LAMP3: variants seen among roughly 807,000 people sequenced by gnomAD.
LAMP3 encodes lysosome associated membrane protein 3, also known as lysosome-associated membrane glycoprotein 3.
Under a neutral mutation model 34.8 loss-of-function variants are expected in LAMP3, and 26 were observed. The observed-to-expected ratio is 0.75, with a 90% CI of 0.55 to 1.04. LAMP3 has a LOEUF of 1.04. LAMP3 is among the 50% of genes least tolerant of loss of function. The pLI is 0.00. For synonymous variants in LAMP3, 180 were observed against 201.9 expected (o/e 0.89, Z 0.92); for missense variants, 495 against 524.0 (o/e 0.94, Z 0.54).
chr3:183,149,126 G>A (rs552842784), intron 3 of LAMP3, among the ~76,000 whole-genome samples: 1 of 152,140 alleles, frequency 6.6e-6, no homozygotes, highest in South Asian at 2.1e-4. Flanking sequence ...ACTTATTTGT[G>A]GAAATTAAAA....
intron 3 of LAMP3, 26 bp from the exon 4 acceptor site, chr3:183,140,621 T>G: frequency 7.1e-7 from 1 of 1,415,832 alleles, no homozygotes; most frequent in Non-Finnish European, 1.0e-6. Flanking sequence ...GTGTTAACCT[T>G]TGGGTTATCT....
rs569668108 is a variant in LAMP3 at position 183,129,569 on chromosome 3, C to T, written c.1118-5355G>A. 1.2e-4 allele frequency among the ~76,000 whole-genome samples: 18 copies of T among 152,192 alleles called. No homozygotes were observed. In the South Asian group the frequency reaches 3.7e-3, roughly 32 times the overall value. On this transcript the variant is annotated intron_variant, in intron 5 of 5. Coordinates refer to ENST00000265598, the MANE Select transcript of LAMP3 (RefSeq NM_014398.4). ...CTATTTATTCTGCCTCTGACTGTTT[C>T]TATACATTATGCAGTGTATTGCTTT...
At chr3:183,148,734 A>T (rs1299484997) in intron 3 of LAMP3, among the ~76,000 whole-genome samples, 3 of 152,228 alleles carry the variant, frequency 2.0e-5, no homozygotes, top group African/African-American at 7.2e-5. Context: ...GAACCCTCAT[A>T]CACTGCTGGT....
Position 183,123,931 on chromosome 3 carries a change from A to T in LAMP3, c.*150T>A. Reference sequence around the variant, plus strand: ...AGAAATTGATGTGCTGCCTGAACTTAAATCACACATGACTCACTTCATTTG... The same window carrying T: ...AGAAATTGATGTGCTGCCTGAACTTTAATCACACATGACTCACTTCATTTG... On this transcript the variant is annotated 3_prime_UTR_variant, in exon 6 of 6. Transcript: ENST00000265598. 1.3e-6 allele frequency: 1 copy of T among 749,632 alleles called. No individual in the cohort carries two copies. The highest frequency in any genetic ancestry group is 2.2e-6 in the Non-Finnish European group (1 of 462,394). The allele number at this position is 749,632 out of a possible 1,614,324, so 46.4% of individuals were successfully genotyped here.
intron 1 of LAMP3, chr3:183,158,217 G>C (rs1720875977): frequency 6.6e-6 from 1 of 152,152 alleles, no homozygotes; most frequent in African/African-American, 2.4e-5. Context: ...GACCATGAGA[G>C]CTACTCTATA....
intron 5 of LAMP3, chr3:183,133,062 G>T: frequency 2.3e-6 from 1 of 429,850 alleles, no homozygotes; most frequent in Non-Finnish European, 3.1e-6. Flanking sequence ...CAGAGGGGAA[G>T]ATGGAGCTGT....
At chr3:183,157,499 A>T (rs1040832922) in intron 1 of LAMP3, among the ~76,000 whole-genome samples, 1 of 152,230 alleles carries the variant, frequency 6.6e-6, no homozygotes, top group Admixed American at 6.5e-5. Context: ...CGAAAGCCCC[A>T]TTAGATTCAT....
At chr3:183,124,604 G>A (rs1463137049) in intron 5 of LAMP3, among the ~76,000 whole-genome samples, 1 of 152,072 alleles carries the variant, frequency 6.6e-6, no homozygotes, top group Non-Finnish European at 1.5e-5. Flanking sequence ...AGGCCGAGGC[G>A]GGCGGATCAT....
chr3:183,150,289 C>G (rs771026354), intron 3 of LAMP3, among the ~76,000 whole-genome samples: 3 of 151,974 alleles, frequency 2.0e-5, no homozygotes, highest in Non-Finnish European at 4.4e-5. Context: ...GAATCCAGCC[C>G]GAAGGAATAG....
At position 183,141,105 on chromosome 3, in the gene LAMP3, AACAATGTAT is replaced by A. The variant is rs1720271449; in HGVS notation, c.889-519_889-511del. 1.3e-4 allele frequency among the ~76,000 whole-genome samples: 20 copies of A among 152,364 alleles called. 1 individual carries two copies. In the South Asian group the frequency reaches 4.1e-3, roughly 32 times the overall value. ...CGGGGTCCATAAACCCTCTGGGAAA[AACAATGTAT>A]ACAAAATGGTGTGTACATGTTCTTA... On this transcript the variant is annotated intron_variant, in intron 3 of 5. Coordinates refer to ENST00000265598, the MANE Select transcript of LAMP3 (RefSeq NM_014398.4).
At chr3:183,129,756 A>T (rs1719862714) in intron 5 of LAMP3, among the ~76,000 whole-genome samples, 1 of 152,138 alleles carries the variant, frequency 6.6e-6, no homozygotes, top group South Asian at 2.1e-4. Context: ...TTTCATTTCT[A>T]ACTTTCTGTT....
chr3:183,137,262 T>C (rs1181328329), intron 4 of LAMP3, among the ~76,000 whole-genome samples: 2 of 152,032 alleles, frequency 1.3e-5, no homozygotes, highest in East Asian at 3.9e-4. Context: ...GAGGTTGCAG[T>C]AAGGTGAGAT....
intron 5 of LAMP3, among the ~76,000 whole-genome samples, chr3:183,126,868 G>A (rs1473743812): frequency 2.0e-5 from 3 of 152,132 alleles, no homozygotes; most frequent in Admixed American, 2.0e-4. Context: ...AATTTTACTT[G>A]TGTTTAATAG....
intron 5 of LAMP3, among the ~76,000 whole-genome samples, chr3:183,125,793 C>CT (rs1719764874): frequency 6.6e-6 from 1 of 152,080 alleles, no homozygotes; most frequent in South Asian, 2.1e-4. Context: ...TCAAGCCATC[C>CT]TCCCACCTCA....
chr3:183,125,214 C>T (rs1719754890), intron 5 of LAMP3, among the ~76,000 whole-genome samples: 1 of 152,074 alleles, frequency 6.6e-6, no homozygotes, highest in Non-Finnish European at 1.5e-5. Context: ...AATGAAGAAC[C>T]ATGTCTTAGT....
intron 4 of LAMP3, 38 bp downstream of exon 4, chr3:183,140,500 G>C (rs757337245): frequency 7.9e-7 from 1 of 1,259,670 alleles, no homozygotes; most frequent in Non-Finnish European, 1.1e-6. Context: ...CAGAAACAGC[G>C]TCATGGCTGG....
chr3:183,147,025 C>G (rs943262527), intron 3 of LAMP3, among the ~76,000 whole-genome samples: 1 of 151,754 alleles, frequency 6.6e-6, no homozygotes, highest in Non-Finnish European at 1.5e-5. Context: ...AGGTGGATCA[C>G]GAGGTCAGGA....
intron 3 of LAMP3, among the ~76,000 whole-genome samples, chr3:183,151,275 G>A (rs956169673): frequency 1.3e-5 from 2 of 152,180 alleles, no homozygotes; most frequent in Admixed American, 6.5e-5. Flanking sequence ...CTATTTGAAG[G>A]ACACTCTGAG....
Position 183,154,030 on chromosome 3 carries a change from G to A in LAMP3, c.411C>T (p.Thr137=), listed in dbSNP as rs149505650. 247 of 1,614,062 alleles carry A rather than the reference G, an allele frequency of 1.5e-4. No homozygotes were observed. Among genetic ancestry groups the A allele is most frequent in the Middle Eastern group, 1.6e-4 (1 of 6,082 alleles). ...PSLAPYSLPP[T]ITPPAHTTGT... ...CAGTTGTATGAGCTGGTGGGGTGAT[G>A]GTGGGTGGCAGTGAATAAGGGGCTA... Residue 137 remains threonine (T), a synonymous_variant, in exon 2 of 6, where the codon ACC becomes ACT. Coordinates refer to ENST00000265598, the MANE Select transcript of LAMP3 (RefSeq NM_014398.4).
Sources: allele counts gnomAD v4.1 joint callset (sites outside exome capture counted in the v4.1 genomes callset), GRCh38; gene constraint gnomAD v4.1.1; transcripts MANE v1.5; gene names NCBI Gene and HGNC (gene_info 2026-07-23, HGNC 2026-07-21).